RANGAP1: variants seen among roughly 807,000 people sequenced by gnomAD.
RANGAP1 encodes Ran GTPase activating protein 1, also known as ran GTPase-activating protein 1.
A neutral mutation model predicts 63.5 loss-of-function variants in RANGAP1; 38 were observed. The observed-to-expected ratio is 0.60, with a 90% CI of 0.46 to 0.78. The LOEUF (loss-of-function observed/expected upper bound fraction) is 0.78. Ranked by LOEUF, RANGAP1 falls within the 30% of genes least tolerant of loss-of-function variation. The pLI, the probability that RANGAP1 is intolerant of heterozygous loss-of-function variation, is 0.00. For synonymous variants in RANGAP1, 329 were observed against 310.5 expected, an observed-to-expected ratio of 1.06 and a Z score of -0.63; for missense variants, 630 against 740.3, an observed-to-expected ratio of 0.85 and a Z score of 1.73.
intron 1 of RANGAP1, chr22:41,281,477 T>C: frequency 2.0e-6 from 2 of 995,554 alleles, no homozygotes; most frequent in Non-Finnish European, 2.4e-6. Context: ...ATCTTGGCTG[T>C]TCTCTGTTTG....
rs996531891 is a variant in RANGAP1, at chr22:41,245,612, G to A, written c.*991C>T. ...TTTCAGTGAGAGTTTCTGAGTCTCT[G>A]AAGCTGCCACACGACTTTATTTGTG... On this transcript the variant is annotated 3_prime_UTR_variant, in exon 16 of 16. Coordinates refer to ENST00000356244, the MANE Select transcript of RANGAP1 (RefSeq NM_002883.4). The A allele has an allele frequency of 2.0e-5, 3 of 152,320 alleles. No homozygotes were observed. Among genetic ancestry groups the A allele is most frequent in the East Asian group, 1.9e-4 (1 of 5,180 alleles). 9.4% of individuals were successfully genotyped at this position (152,320 alleles called of 1,614,324 possible).
chr22:41,270,454 A>AT (rs1426077916), intron 3 of RANGAP1, among the ~76,000 whole-genome samples: 1 of 151,710 alleles, frequency 6.6e-6, no homozygotes, highest in African/African-American at 2.4e-5. Context: ...GCCCTCCCTT[A>AT]TTTTTTATTT....
intron 2 of RANGAP1, 68 bp downstream of exon 2, chr22:41,280,865 C>A: frequency 6.2e-7 from 1 of 1,603,776 alleles, no homozygotes; most frequent in Non-Finnish European, 8.5e-7. Context: ...AGCCTGACAA[C>A]CAGTAAGAGT....
intron 2 of RANGAP1, among the ~76,000 whole-genome samples, chr22:41,279,251 C>G (rs1237674472): frequency 6.6e-6 from 1 of 152,100 alleles, no homozygotes; most frequent in East Asian, 1.9e-4. Context: ...GGGCGAATCA[C>G]CTGAGGTCAG....
intron 11 of RANGAP1, among the ~76,000 whole-genome samples, 169 bp downstream of exon 11, chr22:41,254,139 T>C (rs1476019681): frequency 6.6e-6 from 1 of 151,786 alleles, no homozygotes; most frequent in African/African-American, 2.4e-5. Context: ...TAGGTAACTA[T>C]CATTACACTG....
chr22:41,275,356 G>A (rs1183665645), intron 2 of RANGAP1, among the ~76,000 whole-genome samples: 3 of 151,696 alleles, frequency 2.0e-5, no homozygotes, highest in Admixed American at 2.0e-4. Flanking sequence ...GCTGGGCGTG[G>A]TGGTGGGTGT....
chr22:41,267,238 C>T (rs2034534573), intron 4 of RANGAP1, among the ~76,000 whole-genome samples: 1 of 152,158 alleles, frequency 6.6e-6, no homozygotes, highest in Non-Finnish European at 1.5e-5. Context: ...GGTGCAGTGG[C>T]ACGCACCTGT....
chr22:41,282,347 T>C (rs139535), intron 1 of RANGAP1: 66,356 of 151,628 alleles, frequency 0.44, 15,042 homozygotes, highest in African/African-American at 0.49. Flanking sequence ...TGAGACGGAG[T>C]CTCGCTCAGT....
chr22:41,294,473 C>A, the RANGAP1 span, among the ~76,000 whole-genome samples: 1 of 148,368 alleles, frequency 6.7e-6, no homozygotes, highest in Non-Finnish European at 1.5e-5. Context: ...CCGGCCGCCA[C>A]CCCGTCTGGG....
intron 15 of RANGAP1, 87 bp from the exon 16 acceptor site, chr22:41,246,759 T>C: frequency 8.0e-7 from 1 of 1,242,240 alleles, no homozygotes; most frequent in Non-Finnish European, 1.2e-6. Context: ...CAGACTCATT[T>C]TTGTTAATTT....
At chr22:41,277,540 T>G (rs1239472425) in intron 2 of RANGAP1, 2 of 1,184,362 alleles carry the variant, frequency 1.7e-6, no homozygotes, top group Non-Finnish European at 2.2e-6. Flanking sequence ...AGGGAAGAGA[T>G]AGAGATGGGT....
rs2033931366 is a variant in RANGAP1 at position 41,257,807 on chromosome 22, A to C, written c.774+141T>G. 9.5e-7 allele frequency: 1 copy of C among 1,052,894 alleles called. No individual in the cohort carries two copies. The highest frequency in any genetic ancestry group is 3.0e-5 in the Admixed American group (1 of 33,464). The allele number at this position is 1,052,894 out of a possible 1,614,324, so 65.2% of individuals were successfully genotyped here. A position where few individuals can be genotyped will look rare whatever the true frequency, so the allele number is the denominator to read the frequency against. ...AACCCTGTTCAGGACATGTTCAAAGAGCTGGAGCCATGGGGCACACACCCA... is the reference window on the plus strand; with the variant it reads ...AACCCTGTTCAGGACATGTTCAAAGCGCTGGAGCCATGGGGCACACACCCA... On this transcript the variant is annotated intron_variant, in intron 7 of 15. Coordinates refer to ENST00000356244, the MANE Select transcript of RANGAP1 (RefSeq NM_002883.4). The surrounding 1 kb of genome is among the most constrained non-coding windows in gnomAD (Gnocchi z 4.0).
intron 5 of RANGAP1, among the ~76,000 whole-genome samples, chr22:41,263,798 C>T (rs1300515861): frequency 1.3e-5 from 2 of 152,206 alleles, no homozygotes; most frequent in African/African-American, 2.4e-5. Context: ...CACGTCAGGC[C>T]GAGGGACACA....
Position 41,246,107 on chromosome 22 carries a change from C to G in RANGAP1, c.*496G>C, listed in dbSNP as rs2033009160. The stretch of plus-strand genomic sequence containing the variant: ...GTGGTATGGATGGTAGGGGTGACAG[C>G]TGCCGCAGGACCAGGGCTTGGTGAC... On this transcript the variant is annotated 3_prime_UTR_variant, in exon 16 of 16. Coordinates refer to ENST00000356244, the MANE Select transcript of RANGAP1 (RefSeq NM_002883.4). 1 of 171,198 alleles carries G rather than the reference C, an allele frequency of 5.8e-6. No individual in the cohort carries two copies. Among genetic ancestry groups the G allele is most frequent in the African/African-American group, 2.4e-5 (1 of 41,880 alleles). 10.6% of individuals were successfully genotyped at this position (171,198 alleles called of 1,614,324 possible).
chr22:41,262,628 C>T (rs2284079), intron 5 of RANGAP1, among the ~76,000 whole-genome samples: 50,176 of 152,148 alleles, frequency 0.33, 8,904 homozygotes, highest in Admixed American at 0.51. Context: ...CAGCACCTGC[C>T]TGACTCCACG....
At chr22:41,276,976 C>T (rs533758803) in intron 2 of RANGAP1, among the ~76,000 whole-genome samples, 17 of 134,498 alleles carry the variant, frequency 1.3e-4, no homozygotes, top group Admixed American at 9.5e-4. Flanking sequence ...CAGAGCGAGA[C>T]TGTTTCTCAG....
intron 2 of RANGAP1, among the ~76,000 whole-genome samples, chr22:41,278,097 T>G (rs941414594): frequency 5.4e-5 from 8 of 149,402 alleles, no homozygotes. Flanking sequence ...AGTACAGTGG[T>G]GCCATCTCGG....
At chr22:41,287,421 A>G (rs889129119), upstream of RANGAP1, among the ~76,000 whole-genome samples, 5 of 137,532 alleles carry the variant, frequency 3.6e-5, no homozygotes, top group African/African-American at 1.4e-4. Flanking sequence ...CTTGTTGCCC[A>G]TCTTGGCCTC....
intron 1 of RANGAP1, chr22:41,281,310 T>C: frequency 1.3e-6 from 1 of 778,430 alleles, no homozygotes; most frequent in Non-Finnish European, 1.7e-6. Context: ...TATAAGAAGC[T>C]ACCATCTCAT....
Sources: allele counts gnomAD v4.1 joint callset (sites outside exome capture counted in the v4.1 genomes callset), GRCh38; gene constraint gnomAD v4.1.1; non-coding constraint Gnocchi (gnomAD v3.1); transcripts MANE v1.5; gene names NCBI Gene and HGNC (gene_info 2026-07-23, HGNC 2026-07-21).